Variants in ABCA6 observed in about 807,000 individuals in gnomAD.
ABCA6 encodes the protein ATP-binding cassette sub-family A member 6.
In ABCA6, 164 loss-of-function variants were observed where a neutral mutation model predicts 191.2. The observed-to-expected ratio is 0.86, with a 90% confidence interval of 0.76 to 0.98. The LOEUF (loss-of-function observed/expected upper bound fraction) is 0.98, where lower values mean the gene tolerates loss of function less well. ABCA6 is among the 50% of genes least tolerant of loss of function. The pLI is 0.00. For synonymous variants in ABCA6, 636 were observed against 647.7 expected, an observed-to-expected ratio of 0.98 and a Z score of 0.27; for missense variants, 1,958 against 1,894.1, an observed-to-expected ratio of 1.03 and a Z score of -0.63.
intron 8 of ABCA6, 49 bp from the exon 9 acceptor site, chr17:69,125,084 G>T: frequency 9.9e-7 from 1 of 1,005,308 alleles, no homozygotes; most frequent in South Asian, 3.6e-5. Flanking sequence ...TAAATAAATA[G>T]CTTGGCATAG....
chr17:69,105,055 T>C, intron 20 of ABCA6: 1 of 170,632 alleles, frequency 5.9e-6, no homozygotes, highest in Non-Finnish European at 1.2e-5. Context: ...ATCTTGTACT[T>C]AATGAAGGGG....
intron 6 of ABCA6, among the ~76,000 whole-genome samples, chr17:69,132,412 C>T (rs1373881759): frequency 7.2e-5 from 11 of 152,144 alleles, no homozygotes; most frequent in African/African-American, 2.2e-4. Context: ...ATTTGCATTC[C>T]TATCTGCTAA....
chr17:69,083,273 T>C lies in ABCA6; in HGVS notation c.4414A>G (p.Asn1472Asp), dbSNP rs2072686453. 6.2e-7 allele frequency: 1 copy of C among 1,611,374 alleles called. No individual in the cohort carries two copies. Among genetic ancestry groups the C allele is most frequent in the Non-Finnish European group, 8.5e-7 (1 of 1,179,356 alleles). The part of the protein sequence containing the change: ...TERGVLLTTH[N>D]LAEAEALCDR... ...CACAAGGCTTCCGCCTCAGCCAGGT[T>C]ATGGGTGGTCAGGAGGACACCTCTC... is the stretch of plus-strand genomic sequence containing the variant. The change falls in exon 35 of 39, where the codon AAC becomes GAC. Residue 1472 changes from asparagine (N) to aspartate (D), a missense_variant. Physicochemically the swap from Asn to Asp is conservative, Grantham distance 23. Transcript: ENST00000284425.
chr17:69,117,897 C>T lies in ABCA6; in HGVS notation c.1495+1G>A, dbSNP rs1469029229. 6.4e-7 allele frequency: 1 copy of T among 1,557,146 alleles called. No homozygotes were observed. On this transcript the variant is annotated splice_donor_variant, in intron 11 of 38. Coordinates refer to ENST00000284425, the MANE Select transcript of ABCA6 (RefSeq NM_080284.3). LOFTEE classifies it high-confidence loss of function. The stretch of plus-strand genomic sequence containing the variant: ...TGAAATTTTTCAATGTTTTTCTTTA[C>T]CTTTCAATGCTTCCACTTTTCCAGA...
At chr17:69,102,558 T>C (rs1453785667) in intron 21 of ABCA6, among the ~76,000 whole-genome samples, 1 of 152,204 alleles carries the variant, frequency 6.6e-6, no homozygotes, top group Non-Finnish European at 1.5e-5. Flanking sequence ...TCCATAATTA[T>C]ATTGGTTGAT....
chr17:69,137,984 GCT>G (rs560131220), intron 2 of ABCA6, among the ~76,000 whole-genome samples: 7 of 152,194 alleles, frequency 4.6e-5, no homozygotes, highest in Non-Finnish European at 1.0e-4. Context: ...TTGGCACCAT[GCT>G]TGACTGCATT....
intron 8 of ABCA6, among the ~76,000 whole-genome samples, chr17:69,127,603 T>C (rs1186085124): frequency 6.6e-6 from 1 of 152,056 alleles, no homozygotes; most frequent in Non-Finnish European, 1.5e-5. Context: ...TAACTAAAAT[T>C]TGAAAGATTG....
At chr17:69,107,596 AC>A in intron 18 of ABCA6, 99 bp downstream of exon 18, 1 of 856,274 alleles carries the variant, frequency 1.2e-6, no homozygotes, top group Non-Finnish European at 1.9e-6. Flanking sequence ...GAATGAAATC[AC>A]ATTTCTTAGT....
chr17:69,087,743 A>G, intron 28 of ABCA6: 1 of 453,600 alleles, frequency 2.2e-6, no homozygotes, highest in Middle Eastern at 5.9e-4. Flanking sequence ...TTTAAAATTC[A>G]TGTCACTCTC....
intron 16 of ABCA6, 43 bp downstream of exon 16, chr17:69,112,140 G>T: frequency 1.4e-6 from 2 of 1,379,654 alleles, no homozygotes; most frequent in Non-Finnish European, 2.1e-6. Flanking sequence ...TCATATACCA[G>T]TATTGCAAAC....
intron 36 of ABCA6, among the ~76,000 whole-genome samples, chr17:69,082,655 T>C (rs1050511160): frequency 2.0e-5 from 3 of 152,140 alleles, no homozygotes; most frequent in African/African-American, 7.2e-5. Context: ...GGGATCAGCC[T>C]GGGATGGCCA....
intron 37 of ABCA6, 72 bp from the exon 38 acceptor site, chr17:69,079,337 T>C (rs2072572601): frequency 4.2e-6 from 5 of 1,189,562 alleles, no homozygotes; most frequent in Non-Finnish European, 5.9e-6. Context: ...TTCAAAATCA[T>C]AAAGAATAAA....
At position 69,134,493 on chromosome 17, in the gene ABCA6, A is replaced by C. The variant is rs1049290322; in HGVS notation, c.564+146T>G. On this transcript the variant is annotated intron_variant, in intron 5 of 38. Transcript: ENST00000284425. Reference sequence around the variant, plus strand: ...TTGCACTTCTCAGCCTCCAGAAATAAATTTCTGTCCTTTACAAATTACCCA... The same window carrying C: ...TTGCACTTCTCAGCCTCCAGAAATACATTTCTGTCCTTTACAAATTACCCA... The C allele has an allele frequency of 1.1e-5, 7 of 634,394 alleles. No homozygotes were observed. The African/African-American group carries it at 1.1e-4, about 10-fold the overall frequency. 39.3% of individuals were successfully genotyped at this position (634,394 alleles called of 1,614,324 possible).
intron 25 of ABCA6, among the ~76,000 whole-genome samples, chr17:69,092,408 T>C (rs1355726035): frequency 6.6e-6 from 1 of 152,172 alleles, no homozygotes; most frequent in Non-Finnish European, 1.5e-5. Context: ...TCAGTTCACT[T>C]AGCTGACTCC....
At chr17:69,089,594 A>G in intron 26 of ABCA6, 52 bp from the exon 27 acceptor site, 1 of 1,413,532 alleles carries the variant, frequency 7.1e-7, no homozygotes, top group Admixed American at 1.9e-5. Flanking sequence ...CATCTGCTTT[A>G]TGATTTGCAC....
intron 25 of ABCA6, among the ~76,000 whole-genome samples, chr17:69,093,136 T>A (rs2072965699): frequency 6.6e-6 from 1 of 152,212 alleles, no homozygotes; most frequent in Non-Finnish European, 1.5e-5. Flanking sequence ...CTGTCACTAC[T>A]TTTTGTGTTT....
chr17:69,099,625 T>C (rs2073129173), intron 22 of ABCA6: 1 of 154,328 alleles, frequency 6.5e-6, no homozygotes, highest in Admixed American at 6.5e-5. Context: ...TTCATGCTGC[T>C]ATCGTTCCAA....
At chr17:69,099,584 C>T (rs987457648) in intron 22 of ABCA6, 15 of 154,268 alleles carry the variant, frequency 9.7e-5, no homozygotes, top group Non-Finnish European at 1.5e-4. Context: ...CAGCATAAGC[C>T]TGTCTCAAAA....
intron 26 of ABCA6, among the ~76,000 whole-genome samples, chr17:69,090,758 C>T (rs953817253): frequency 6.6e-6 from 1 of 152,138 alleles, no homozygotes; most frequent in African/African-American, 2.4e-5. Context: ...TGAGTTTATC[C>T]TCAGCGGCTA....
Sources: allele counts gnomAD v4.1 joint callset (sites outside exome capture counted in the v4.1 genomes callset), GRCh38; gene constraint gnomAD v4.1.1; transcripts MANE v1.5; gene names NCBI Gene and HGNC (gene_info 2026-07-23, HGNC 2026-07-21).